The following SHROOM3 variants were observed in gnomAD, a reference collection of about 807,000 sequenced individuals.
SHROOM3 encodes protein Shroom3.
In SHROOM3, 47 loss-of-function variants were observed where a neutral mutation model predicts 138.6. The observed-to-expected ratio is 0.34, with a 90% CI of 0.27 to 0.43. The LOEUF (loss-of-function observed/expected upper bound fraction) is 0.43. Ranked by LOEUF, SHROOM3 falls within the 20% of genes least tolerant of loss-of-function variation. The pLI, the probability that SHROOM3 is intolerant of heterozygous loss-of-function variation, is 1.00. For synonymous variants in SHROOM3, 1,062 were observed against 1,063.3 expected (o/e 1.00, Z 0.02); for missense variants, 2,491 against 2,596.5 (o/e 0.96, Z 0.88).
At chr4:76,603,590 CT>C (rs201458637) in intron 2 of SHROOM3, among the ~76,000 whole-genome samples, 1 of 151,610 alleles carries the variant, frequency 6.6e-6, no homozygotes, top group Non-Finnish European at 1.5e-5. Flanking sequence ...TTTTCTTCTT[CT>C]TTTTTTTAAT....
Position 76,754,880 on chromosome 4 carries a change from T to C in SHROOM3, c.4397T>C (p.Leu1466Ser). ...CAAAAACAGCAGAGTCTTCCAAGTTTATGCAGCACTTCTGACCCAGACACA... is the reference window on the plus strand; with the variant it reads ...CAAAAACAGCAGAGTCTTCCAAGTTCATGCAGCACTTCTGACCCAGACACA... ...HYQKQQSLPSLCSTSDPDTPL... is the reference protein window; with the variant it reads ...HYQKQQSLPSSCSTSDPDTPL... Residue 1466 changes from leucine (L) to serine (S), a missense_variant, in exon 7 of 11, where the codon TTA (leucine) becomes TCA (serine). Physicochemically the swap from Leu to Ser is moderately radical, Grantham distance 145. Transcript: ENST00000296043. 6.2e-7 allele frequency: 1 copy of C among 1,614,110 alleles called. No homozygotes were observed. Among genetic ancestry groups the C allele is most frequent in the Non-Finnish European group, 8.5e-7 (1 of 1,180,008 alleles).
At chr4:76,749,820 A>G (rs982623487) in intron 6 of SHROOM3, among the ~76,000 whole-genome samples, 1 of 152,222 alleles carries the variant, frequency 6.6e-6, no homozygotes, top group African/African-American at 2.4e-5. Context: ...GGACTTAATA[A>G]GTAGAAATTT....
chr4:76,591,203 C>G (rs17002103), intron 2 of SHROOM3, among the ~76,000 whole-genome samples: 43,886 of 152,098 alleles, frequency 0.29, 6,524 homozygotes, highest in East Asian at 0.43. Flanking sequence ...GCATTGTACC[C>G]CTTACCAGGC....
At chr4:76,603,234 C>T (rs549197845) in intron 2 of SHROOM3, among the ~76,000 whole-genome samples, 9 of 152,214 alleles carry the variant, frequency 5.9e-5, no homozygotes, top group Middle Eastern at 3.4e-3. Context: ...CTGGCTAACA[C>T]GGTGAAGCCC....
chr4:76,660,250 T>A (rs1736154976), intron 2 of SHROOM3, among the ~76,000 whole-genome samples: 1 of 152,176 alleles, frequency 6.6e-6, no homozygotes, highest in South Asian at 2.1e-4. Context: ...TTTGCAGGAC[T>A]ATCTGATTAA....
intron 2 of SHROOM3, among the ~76,000 whole-genome samples, chr4:76,706,286 T>C (rs1720047992): frequency 6.6e-6 from 1 of 152,080 alleles, no homozygotes; most frequent in South Asian, 2.1e-4. Flanking sequence ...AGCTAATTTT[T>C]GTATTTTTAG....
At chr4:76,732,720 A>G (rs1009911129) in intron 4 of SHROOM3, among the ~76,000 whole-genome samples, 1 of 152,200 alleles carries the variant, frequency 6.6e-6, no homozygotes, top group Non-Finnish European at 1.5e-5. Context: ...ACAATGAAGG[A>G]AGAATAGCAT....
intron 4 of SHROOM3, 48 bp downstream of exon 4, chr4:76,730,983 A>G (rs372574911): frequency 2.5e-6 from 4 of 1,609,722 alleles, no homozygotes; most frequent in Non-Finnish European, 3.4e-6. Flanking sequence ...TTCTAATGTC[A>G]TGTTCCCAGA....
chr4:76,495,473 C>T (rs938191185), intron 1 of SHROOM3, among the ~76,000 whole-genome samples: 4 of 152,226 alleles, frequency 2.6e-5, no homozygotes, highest in Non-Finnish European at 5.9e-5. Context: ...AGATCTGATG[C>T]AATCAGGCTG....
chr4:76,557,028 C>G (rs993733836), intron 2 of SHROOM3, among the ~76,000 whole-genome samples: 1 of 152,104 alleles, frequency 6.6e-6, no homozygotes, highest in Non-Finnish European at 1.5e-5. Flanking sequence ...CAGACAGACC[C>G]GGGTTCAAAT....
intron 2 of SHROOM3, among the ~76,000 whole-genome samples, chr4:76,663,004 A>C (rs1201251126): frequency 6.6e-6 from 1 of 152,102 alleles, no homozygotes; most frequent in Non-Finnish European, 1.5e-5. Flanking sequence ...ATGTCTCTAG[A>C]TTCCTAGCCT....
chr4:76,697,552 ACT>A (rs1560594656), intron 2 of SHROOM3, among the ~76,000 whole-genome samples: 1 of 152,184 alleles, frequency 6.6e-6, no homozygotes, highest in East Asian at 1.9e-4. Context: ...TTAAGGGCAC[ACT>A]CTGGAGCCTT....
chr4:76,660,206 G>T (rs988715072), intron 2 of SHROOM3, among the ~76,000 whole-genome samples: 1 of 152,036 alleles, frequency 6.6e-6, no homozygotes, highest in Non-Finnish European at 1.5e-5. Context: ...TTAGCAATTT[G>T]CACTTGGGCA....
At chr4:76,560,049 G>C (rs760802738) in intron 2 of SHROOM3, among the ~76,000 whole-genome samples, 1 of 152,216 alleles carries the variant, frequency 6.6e-6, no homozygotes, top group Non-Finnish European at 1.5e-5. Flanking sequence ...ACAGCTCCCA[G>C]TTGCAGAAAA....
chr4:76,560,444 C>T lies in SHROOM3; in HGVS notation c.323+4681C>T, dbSNP rs541427260. ...CCTGAGTTCAGACTCAGACTCCTAT[C>T]CTGAATTGGATTATCAGAATGGCCT... On this transcript the variant is annotated intron_variant, in intron 2 of 10. Transcript: ENST00000296043. Among the ~76,000 whole-genome samples, 13 of 152,292 alleles carry T rather than the reference C, an allele frequency of 8.5e-5. No homozygotes were observed. The South Asian group carries it at 2.7e-3, about 32-fold the overall frequency.
At chr4:76,601,652 G>A (rs764351469) in intron 2 of SHROOM3, among the ~76,000 whole-genome samples, 12 of 150,782 alleles carry the variant, frequency 8.0e-5, no homozygotes, top group East Asian at 1.9e-4. Context: ...CTACAGGTGC[G>A]CCACCAAGCC....
At chr4:76,529,139 C>T (rs1732776133) in intron 1 of SHROOM3, among the ~76,000 whole-genome samples, 1 of 152,042 alleles carries the variant, frequency 6.6e-6, no homozygotes, top group Non-Finnish European at 1.5e-5. Flanking sequence ...GTCGGGGAAA[C>T]CATGGGAAAA....
At chr4:76,671,503 CT>C (rs1301333945) in intron 2 of SHROOM3, among the ~76,000 whole-genome samples, 1 of 152,258 alleles carries the variant, frequency 6.6e-6, no homozygotes, top group Non-Finnish European at 1.5e-5. Flanking sequence ...TCCATCCATA[CT>C]GGCATCTTCC....
intron 2 of SHROOM3, among the ~76,000 whole-genome samples, chr4:76,692,990 A>G (rs938450507): frequency 1.3e-5 from 2 of 152,230 alleles, no homozygotes; most frequent in Admixed American, 6.5e-5. Context: ...TATGCAAAGC[A>G]TTACCTGAAT....
Sources: gnomAD v4.1 joint callset for allele counts (sites outside exome capture counted in the v4.1 genomes callset) on GRCh38, gnomAD v4.1.1 for gene constraint, MANE v1.5 for transcripts, NCBI Gene and HGNC (gene_info 2026-07-23, HGNC 2026-07-21) for gene names.